Variants in TAFA2 observed in about 807,000 individuals in gnomAD.
TAFA2 encodes the protein TAFA chemokine like family member 2.
TAFA2 carries 7 observed loss-of-function variants against 18.8 expected under a neutral mutation model. That is an observed-to-expected ratio of 0.37 (90% CI 0.21 to 0.70). The LOEUF is 0.70. Ranked by LOEUF, TAFA2 falls within the 30% of genes least tolerant of loss-of-function variation. The pLI is 0.53. For missense variants in TAFA2, 122 were observed against 158.1 expected (o/e 0.77, Z 1.23); for synonymous variants, 60 against 54.2 (o/e 1.11, Z -0.47).
chr12:62,260,019 A>G, upstream of TAFA2: 1 of 232,880 alleles, frequency 4.3e-6, no homozygotes, highest in Non-Finnish European at 8.8e-6. Flanking sequence ...CCTCACCCTC[A>G]AGCGTGAGTG....
In TAFA2 at chr12:61,944,934, A is replaced by C. The variant is rs1278567731; in HGVS notation, c.-1-77508T>G. On this transcript the variant is annotated intron_variant, in intron 1 of 4. Coordinates refer to ENST00000416284, the MANE Select transcript of TAFA2 (RefSeq NM_178539.5). ...TATTCCAATCAATAGAAAAAGAGGG[A>C]ATCCTCCCTAACTCATTTTATGAGG... is the stretch of plus-strand genomic sequence containing the variant. Among the ~76,000 whole-genome samples, 16 of 142,120 alleles carry C rather than the reference A, an allele frequency of 1.1e-4. No individual in the cohort carries two copies. In the Admixed American group the frequency reaches 1.1e-3, roughly 10 times the overall value. 93.2% of individuals were successfully genotyped at this position (142,120 alleles called of 152,430 possible). A position where few individuals can be genotyped will look rare whatever the true frequency, so the allele number is the denominator to read the frequency against.
At chr12:62,011,727 C>T (rs1471663446) in intron 1 of TAFA2, among the ~76,000 whole-genome samples, 1 of 141,606 alleles carries the variant, frequency 7.1e-6, no homozygotes, top group Non-Finnish European at 1.5e-5. Flanking sequence ...CTCTGAGAAA[C>T]ACCCAAGAAT....
intron 1 of TAFA2, among the ~76,000 whole-genome samples, chr12:62,073,594 G>A (rs1882689677): frequency 6.6e-6 from 1 of 152,078 alleles, no homozygotes; most frequent in South Asian, 2.1e-4. Context: ...GAAAACTCAT[G>A]TTCAGAAATC....
rs1411893894 is a variant in TAFA2 at position 61,946,074 on chromosome 12, A to C, written c.-1-78648T>G. Among the ~76,000 whole-genome samples, 281 of 138,572 alleles carry C rather than the reference A, an allele frequency of 2.0e-3. 6 individuals are homozygous for C. The highest frequency in any genetic ancestry group is 7.3e-3 in the African/African-American group (256 of 35,284). The allele number at this position is 138,572 out of a possible 152,430, so 90.9% of individuals were successfully genotyped here. ...TCAAACTATACTACAAGGCTACAGT[A>C]ACCAAAACAGCATGGTACTGGTACC... On this transcript the variant is annotated intron_variant, in intron 1 of 4. Coordinates refer to ENST00000416284, the MANE Select transcript of TAFA2 (RefSeq NM_178539.5).
intron 2 of TAFA2, among the ~76,000 whole-genome samples, chr12:61,785,223 C>T (rs1383336349): frequency 2.0e-5 from 3 of 151,084 alleles, no homozygotes; most frequent in Admixed American, 6.6e-5. Flanking sequence ...TTTAACTTTC[C>T]GTTCCTGGCT....
intron 2 of TAFA2, among the ~76,000 whole-genome samples, chr12:61,796,152 A>G (rs1871180232): frequency 6.6e-6 from 1 of 152,158 alleles, no homozygotes; most frequent in Admixed American, 6.5e-5. Flanking sequence ...CCCAAAAGAA[A>G]TGAAAACATA....
At chr12:62,097,907 GAAAGTTT>G in intron 1 of TAFA2, among the ~76,000 whole-genome samples, 1 of 152,230 alleles carries the variant, frequency 6.6e-6, no homozygotes, top group Admixed American at 6.5e-5. Context: ...GCTTTGTCAT[GAAAGTTT>G]AAAGATGTCT....
chr12:61,963,372 T>C (rs752995543), intron 1 of TAFA2, among the ~76,000 whole-genome samples: 1 of 152,168 alleles, frequency 6.6e-6, no homozygotes. Flanking sequence ...TTCCTGACTT[T>C]TGAATGATCG....
At chr12:61,977,072 A>G (rs1879464282) in intron 1 of TAFA2, among the ~76,000 whole-genome samples, 2 of 151,928 alleles carry the variant, frequency 1.3e-5, no homozygotes, top group African/African-American at 4.8e-5. Context: ...AGTTATTTCT[A>G]GTTCTAGATC....
chr12:62,000,012 T>C lies in TAFA2; in HGVS notation c.-1-132586A>G, dbSNP rs7306011. 8.6e-3 allele frequency among the ~76,000 whole-genome samples: 1,304 copies of C among 152,290 alleles called. 20 individuals carry two copies. Among genetic ancestry groups the C allele is most frequent in the African/African-American group, 0.029 (1,225 of 41,554 alleles). On this transcript the variant is annotated intron_variant, in intron 1 of 4. Coordinates refer to ENST00000416284, the MANE Select transcript of TAFA2 (RefSeq NM_178539.5). Reference sequence around the variant, plus strand: ...ATGATACAAACAAATGAAAAATTAATATGATTTTCAGAGACACACCAAAAT... The same window carrying C: ...ATGATACAAACAAATGAAAAATTAACATGATTTTCAGAGACACACCAAAAT...
At position 62,192,159 on chromosome 12, in the gene TAFA2, C is replaced by G. The variant is rs1245046410; in HGVS notation, c.-902G>C. On this transcript the variant is annotated 5_prime_UTR_variant, in exon 1 of 5. Coordinates refer to ENST00000416284, the MANE Select transcript of TAFA2 (RefSeq NM_178539.5). ...GCGCCTTCCACTCGAATCCACTTAG[C>G]AGCAACTCCTGGCCAGCTTCAGCCC... 1 of 152,690 alleles carries G rather than the reference C, an allele frequency of 6.5e-6. No individual in the cohort carries two copies. Among genetic ancestry groups the G allele is most frequent in the Non-Finnish European group, 1.5e-5 (1 of 68,478 alleles). The allele number at this position is 152,690 out of a possible 1,614,324, so 9.5% of individuals were successfully genotyped here.
intron 1 of TAFA2, among the ~76,000 whole-genome samples, chr12:61,916,043 T>C (rs1876808905): frequency 6.6e-6 from 1 of 152,228 alleles, no homozygotes; most frequent in Admixed American, 6.5e-5. Context: ...TGGGTTACTT[T>C]GTCCCTGATT....
intron 2 of TAFA2, among the ~76,000 whole-genome samples, chr12:61,792,866 G>GA (rs1299700391): frequency 1.3e-5 from 2 of 151,140 alleles, no homozygotes; most frequent in Non-Finnish European, 3.0e-5. Context: ...TTAAAAAGTA[G>GA]AAAAAAATAG....
chr12:62,133,976 T>G (rs1040958297), intron 1 of TAFA2, among the ~76,000 whole-genome samples: 1 of 152,058 alleles, frequency 6.6e-6, no homozygotes, highest in African/African-American at 2.4e-5. Context: ...GATACTCTAC[T>G]CCTAGATTAT....
intron 2 of TAFA2, among the ~76,000 whole-genome samples, chr12:61,770,921 C>CTT (rs1869996927): frequency 6.6e-6 from 1 of 151,864 alleles, no homozygotes; most frequent in East Asian, 1.9e-4. Flanking sequence ...TATAAATGGC[C>CTT]TAAATGTTCC....
At chr12:61,848,520 G>T (rs1199830314) in intron 2 of TAFA2, among the ~76,000 whole-genome samples, 1 of 152,104 alleles carries the variant, frequency 6.6e-6, no homozygotes. Flanking sequence ...CAGTTTAAAA[G>T]TTGTACATAA....
chr12:61,877,948 T>C (rs1271904395), intron 1 of TAFA2: 63 of 370,754 alleles, frequency 1.7e-4, no homozygotes, highest in South Asian at 1.0e-3. Context: ...CACATACATA[T>C]ACATATATAT....
intron 1 of TAFA2, among the ~76,000 whole-genome samples, chr12:61,966,310 A>G (rs1879064315): frequency 6.6e-6 from 1 of 151,872 alleles, no homozygotes; most frequent in African/African-American, 2.4e-5. Context: ...GCTGCTATCT[A>G]CTTGCAAGAT....
At chr12:61,996,785 G>A (rs1170117647) in intron 1 of TAFA2, among the ~76,000 whole-genome samples, 1 of 152,108 alleles carries the variant, frequency 6.6e-6, no homozygotes, top group African/African-American at 2.4e-5. Context: ...GCTTTGGGGT[G>A]GGAGGGATCT....
Sources: allele counts gnomAD v4.1 joint callset (sites outside exome capture counted in the v4.1 genomes callset), GRCh38; gene constraint gnomAD v4.1.1; transcripts MANE v1.5; gene names NCBI Gene and HGNC (gene_info 2026-07-23, HGNC 2026-07-21).